TNRC6B: variants seen among roughly 807,000 people sequenced by gnomAD.
TNRC6B encodes trinucleotide repeat containing adaptor 6B.
TNRC6B carries 52 observed loss-of-function variants against 203.6 expected under a neutral mutation model. That is an observed-to-expected ratio of 0.26 (90% confidence interval 0.20 to 0.32). The LOEUF is 0.32. Among genes scored for constraint, TNRC6B ranks in the 10% least tolerant of loss-of-function variants. TNRC6B has a pLI of 1.00. For synonymous variants in TNRC6B, 838 were observed against 845.7 expected (o/e 0.99, Z 0.16); for missense variants, 1,923 against 2,286.2 (o/e 0.84, Z 3.24).
chr22:40,063,912 AGGT>A (rs2067874561), intron 1 of TNRC6B, among the ~76,000 whole-genome samples: 1 of 152,080 alleles, frequency 6.6e-6, no homozygotes, highest in Non-Finnish European at 1.5e-5. Flanking sequence ...TATGTTGCCT[AGGT>A]TGGTCTCGAA....
At chr22:40,300,739 G>T (rs895807453) in intron 13 of TNRC6B, 153 bp downstream of exon 13, 2 of 1,257,088 alleles carry the variant, frequency 1.6e-6, no homozygotes, top group African/African-American at 3.0e-5. Context: ...CTTAAGGGTT[G>T]TCAGCTCAAC....
At chr22:40,215,778 G>A (rs775252202) in intron 1 of TNRC6B, among the ~76,000 whole-genome samples, 2 of 152,144 alleles carry the variant, frequency 1.3e-5, no homozygotes, top group African/African-American at 4.8e-5. Flanking sequence ...ATGACAATCT[G>A]TATGTTAAGA....
intron 1 of TNRC6B, among the ~76,000 whole-genome samples, chr22:40,052,275 G>T (rs889692596): frequency 1.3e-5 from 2 of 151,912 alleles, no homozygotes; most frequent in African/African-American, 4.8e-5. Context: ...ATTACTTACG[G>T]TCTTTACCAA....
At chr22:40,114,539 TC>T (rs1316215552) in intron 1 of TNRC6B, among the ~76,000 whole-genome samples, 1 of 152,168 alleles carries the variant, frequency 6.6e-6, no homozygotes, top group Admixed American at 6.5e-5. Flanking sequence ...CTCAGGCTGA[TC>T]TCGAACTCCT....
rs377466011 is a variant in TNRC6B, at chr22:40,155,439, C to G, written c.46-676C>G. On this transcript the variant is annotated intron_variant, in intron 3 of 23. Coordinates refer to the TNRC6B transcript ENST00000301923. ...GAGTAGCTGGGACTAAAGGCGCACA[C>G]CACCACATCCAGCTAATTTTTGTAT... 3.3e-5 allele frequency among the ~76,000 whole-genome samples: 5 copies of G among 152,270 alleles called. 1 individual carries two copies. Among genetic ancestry groups the G allele is most frequent in the East Asian group, 1.9e-4 (1 of 5,180 alleles).
intron 3 of TNRC6B, among the ~76,000 whole-genome samples, chr22:40,139,422 C>G (rs2068627339): frequency 1.3e-5 from 2 of 150,978 alleles, no homozygotes; most frequent in Non-Finnish European, 2.9e-5. Flanking sequence ...GCATCTGCCT[C>G]CTGGGTTCCA....
At chr22:40,295,182 A>C (rs925933199) in intron 12 of TNRC6B, among the ~76,000 whole-genome samples, 13 of 152,208 alleles carry the variant, frequency 8.5e-5, no homozygotes, top group Non-Finnish European at 1.3e-4. Flanking sequence ...GAAGAGTGTC[A>C]AAGAAAAGAT....
At chr22:40,223,624 T>G (rs1461690251) in intron 1 of TNRC6B, among the ~76,000 whole-genome samples, 1 of 152,254 alleles carries the variant, frequency 6.6e-6, no homozygotes, top group Non-Finnish European at 1.5e-5. Context: ...AATTGCATAG[T>G]ATTCTCTTGT....
chr22:40,132,178 T>C (rs1462239601), intron 3 of TNRC6B, among the ~76,000 whole-genome samples: 1 of 152,072 alleles, frequency 6.6e-6, no homozygotes, highest in Non-Finnish European at 1.5e-5. Context: ...CAAAACCCCA[T>C]CTCTACTAAA....
chr22:40,236,690 C>CTTT (rs1569032767), intron 1 of TNRC6B, among the ~76,000 whole-genome samples: 1 of 152,148 alleles, frequency 6.6e-6, no homozygotes, highest in Admixed American at 6.5e-5. Flanking sequence ...TCAAGATGAA[C>CTTT]CCTGGCTGTT....
chr22:40,088,581 C>CT, intron 1 of TNRC6B, among the ~76,000 whole-genome samples: 1 of 70,884 alleles, frequency 1.4e-5, no homozygotes, highest in East Asian at 3.4e-4. Context: ...CCGGCGGCTA[C>CT]TTTTGTGTGT....
intron 3 of TNRC6B, among the ~76,000 whole-genome samples, chr22:40,148,433 G>A (rs776345730): frequency 3.0e-4 from 46 of 151,896 alleles, no homozygotes; most frequent in Non-Finnish European, 5.9e-4. Flanking sequence ...ACAGGCGCCT[G>A]CCACCACGCC....
At chr22:40,112,010 A>G (rs1432088147) in intron 1 of TNRC6B, among the ~76,000 whole-genome samples, 2 of 152,220 alleles carry the variant, frequency 1.3e-5, no homozygotes, top group Non-Finnish European at 2.9e-5. Context: ...CTGAGGCAGG[A>G]GAATTGCTTG....
intron 1 of TNRC6B, among the ~76,000 whole-genome samples, chr22:40,065,875 C>G (rs1001622311): frequency 3.3e-5 from 5 of 152,078 alleles, no homozygotes; most frequent in African/African-American, 1.2e-4. Context: ...CAATTCCTGG[C>G]CCCGTGTGAG....
chr22:40,125,376 G>A (rs2068481441), intron 2 of TNRC6B, among the ~76,000 whole-genome samples: 1 of 152,124 alleles, frequency 6.6e-6, no homozygotes, highest in Non-Finnish European at 1.5e-5. Context: ...TAATACCCAG[G>A]CACTGTGACC....
chr22:40,074,471 TTATCTC>T (rs961680686), intron 1 of TNRC6B, among the ~76,000 whole-genome samples: 6 of 151,440 alleles, frequency 4.0e-5, no homozygotes, highest in East Asian at 3.9e-4. Flanking sequence ...ATATGAGACT[TTATCTC>T]TATAAAAAAT....
intron 1 of TNRC6B, among the ~76,000 whole-genome samples, chr22:40,226,928 G>A (rs2069793735): frequency 6.6e-6 from 1 of 151,038 alleles, no homozygotes; most frequent in Non-Finnish European, 1.5e-5. Context: ...TTTGTTTTTT[G>A]AGACAGAGTC....
At chr22:40,047,943 T>G (rs1303946398) in intron 1 of TNRC6B, among the ~76,000 whole-genome samples, 2 of 139,506 alleles carry the variant, frequency 1.4e-5, no homozygotes, top group African/African-American at 5.4e-5. Context: ...GGATTCATTT[T>G]AGTCGTTGAA....
intron 16 of TNRC6B, among the ~76,000 whole-genome samples, chr22:40,309,927 G>A (rs1601513035): frequency 1.3e-5 from 2 of 152,124 alleles, no homozygotes; most frequent in Middle Eastern, 3.4e-3. Context: ...GCATCACCCT[G>A]GAAATAATTT....
Sources: allele counts gnomAD v4.1 joint callset (sites outside exome capture counted in the v4.1 genomes callset), GRCh38; gene constraint gnomAD v4.1.1; transcripts MANE v1.5; gene names NCBI Gene and HGNC (gene_info 2026-07-23, HGNC 2026-07-21).